The following CDC37L1 variants were observed in gnomAD, a reference collection of about 807,000 sequenced individuals.
CDC37L1 encodes the protein cell division cycle 37 like 1, HSP90 cochaperone.
In CDC37L1, 32 loss-of-function variants were observed where a neutral mutation model predicts 45.9. The observed-to-expected ratio is 0.70, with a 90% CI of 0.53 to 0.94. The LOEUF is 0.94. Ranked by LOEUF, CDC37L1 falls within the 40% of genes least tolerant of loss-of-function variation. The pLI, the probability that CDC37L1 is intolerant of heterozygous loss-of-function variation, is 0.00. For missense variants in CDC37L1, 434 were observed against 405.7 expected (o/e 1.07, Z -0.60); for synonymous variants, 150 against 133.0 (o/e 1.13, Z -0.88).
rs555702477 is a variant in CDC37L1, at chr9:4,691,406, T to C, written c.508+2800T>C. Among the ~76,000 whole-genome samples the C allele has an allele frequency of 9.8e-5, 15 of 152,372 alleles. No individual in the cohort carries two copies. The East Asian group carries it at 2.5e-3, about 25-fold the overall frequency. On this transcript the variant is annotated intron_variant, in intron 3 of 6. Coordinates refer to ENST00000381854, the MANE Select transcript of CDC37L1 (RefSeq NM_017913.4). ...ATTCTCATCATTTAGCTCCCGCTTA[T>C]AGGTGAGAATATGCGGTATTTGGTT...
chr9:4,687,956 T>C (rs192689931), intron 2 of CDC37L1, among the ~76,000 whole-genome samples: 63 of 152,304 alleles, frequency 4.1e-4, no homozygotes, highest in South Asian at 6.2e-4. Flanking sequence ...TTCAGTTGTT[T>C]TTCTGTATGA....
At chr9:4,697,955 A>G in intron 5 of CDC37L1, 76 bp downstream of exon 5, 1 of 1,384,200 alleles carries the variant, frequency 7.2e-7, no homozygotes, top group South Asian at 1.3e-5. Context: ...TCATATCAAT[A>G]GAAGGCATCC....
intron 3 of CDC37L1, 111 bp downstream of exon 3, chr9:4,688,717 T>A (rs1018930672): frequency 2.9e-6 from 2 of 682,362 alleles, no homozygotes; most frequent in East Asian, 6.6e-5. Flanking sequence ...AAACTCCAAT[T>A]TTGTAGCTTC....
At position 4,706,962 on chromosome 9, in the gene CDC37L1, G is replaced by A. The variant is rs1313156788; in HGVS notation, c.*850G>A. On this transcript the variant is annotated 3_prime_UTR_variant, in exon 7 of 7. Coordinates refer to ENST00000381854, the MANE Select transcript of CDC37L1 (RefSeq NM_017913.4). ...TAATAATCTGATTTTTAAATTTGTA[G>A]TTATTTTACTCATGTTGCCTTTTAA... The A allele has an allele frequency of 2.6e-5, 4 of 152,198 alleles. No homozygotes were observed. The highest frequency in any genetic ancestry group is 2.0e-4 in the Admixed American group (3 of 15,290). The allele number at this position is 152,198 out of a possible 1,614,324, so 9.4% of individuals were successfully genotyped here.
intron 6 of CDC37L1, among the ~76,000 whole-genome samples, chr9:4,702,773 C>G (rs566680816): frequency 6.6e-6 from 1 of 150,722 alleles, no homozygotes; most frequent in South Asian, 2.1e-4. Flanking sequence ...CCTGCAGTCC[C>G]AGCTACTCGG....
At chr9:4,702,870 C>T (rs1176724560) in intron 6 of CDC37L1, among the ~76,000 whole-genome samples, 1 of 108,748 alleles carries the variant, frequency 9.2e-6, no homozygotes, top group African/African-American at 3.7e-5. Flanking sequence ...GCCTGGGCGA[C>T]AGAGCAAGAC....
At chr9:4,705,660 T>G (rs540788300) in intron 6 of CDC37L1, among the ~76,000 whole-genome samples, 2 of 152,330 alleles carry the variant, frequency 1.3e-5, no homozygotes, top group East Asian at 3.9e-4. Context: ...AATGCATTGC[T>G]AACTTCAAAC....
intron 3 of CDC37L1, among the ~76,000 whole-genome samples, chr9:4,693,429 G>T (rs1042091578): frequency 1.3e-5 from 2 of 151,924 alleles, no homozygotes; most frequent in African/African-American, 4.8e-5. Context: ...GACAACAGAG[G>T]AATAACCTGT....
At chr9:4,695,236 G>GAGCAGTGGTGAGGTCATAGCTCAC (rs1256657431) in intron 3 of CDC37L1, among the ~76,000 whole-genome samples, 2 of 152,278 alleles carry the variant, frequency 1.3e-5, no homozygotes, top group East Asian at 3.9e-4. Flanking sequence ...CCAGGCTGAA[G>GAGCAGTGGTGAGGTCATAGCTCAC]TGCAGTGGTG....
intron 4 of CDC37L1, 71 bp downstream of exon 4, chr9:4,697,282 T>TG: frequency 1.3e-6 from 1 of 758,696 alleles, no homozygotes; most frequent in Non-Finnish European, 2.3e-6. Context: ...ATTGATGTTT[T>TG]GTTTTGTTTT....
chr9:4,707,114 T>G lies in CDC37L1; in HGVS notation c.*1002T>G, dbSNP rs898904153. 2.0e-5 allele frequency: 3 copies of G among 152,212 alleles called. No individual in the cohort carries two copies. The highest frequency in any genetic ancestry group is 7.2e-5 in the African/African-American group (3 of 41,464). The allele number at this position is 152,212 out of a possible 1,614,324, so 9.4% of individuals were successfully genotyped here. A position where few individuals can be genotyped will look rare whatever the true frequency, so the allele number is the denominator to read the frequency against. On this transcript the variant is annotated 3_prime_UTR_variant, in exon 7 of 7. Coordinates refer to ENST00000381854, the MANE Select transcript of CDC37L1 (RefSeq NM_017913.4). Reference sequence around the variant, plus strand: ...CCTTGAGCTGCCAATTACCTATTTCTGAGAATTTGGTGACTCTTATTGGTA... The same window carrying G: ...CCTTGAGCTGCCAATTACCTATTTCGGAGAATTTGGTGACTCTTATTGGTA...
At chr9:4,688,045 T>G (rs1841266526) in intron 2 of CDC37L1, among the ~76,000 whole-genome samples, 1 of 152,244 alleles carries the variant, frequency 6.6e-6, no homozygotes, top group African/African-American at 2.4e-5. Flanking sequence ...TCGCCTGGGC[T>G]GGAGTGCAGT....
intron 5 of CDC37L1, among the ~76,000 whole-genome samples, chr9:4,698,474 T>G (rs1045489035): frequency 1.3e-5 from 2 of 149,632 alleles, no homozygotes; most frequent in African/African-American, 5.0e-5. Context: ...TGAAGAAAAA[T>G]AGATGTCTAG....
chr9:4,682,805 C>G (rs1047393488), intron 1 of CDC37L1, among the ~76,000 whole-genome samples: 13 of 151,868 alleles, frequency 8.6e-5, no homozygotes, highest in African/African-American at 3.1e-4. Context: ...GTTCTTACAT[C>G]TTTTCTTACA....
intron 3 of CDC37L1, among the ~76,000 whole-genome samples, chr9:4,695,229 G>A (rs1233040291): frequency 1.3e-5 from 2 of 152,150 alleles, no homozygotes; most frequent in African/African-American, 4.8e-5. Flanking sequence ...CTGTCACCCA[G>A]GCTGAAGTGC....
At chr9:4,705,173 T>C (rs1841430968) in intron 6 of CDC37L1, among the ~76,000 whole-genome samples, 1 of 152,194 alleles carries the variant, frequency 6.6e-6, no homozygotes, top group African/African-American at 2.4e-5. Flanking sequence ...CTGTCCTCAC[T>C]GGTGTTTATT....
chr9:4,691,994 C>T (rs992723640), intron 3 of CDC37L1, among the ~76,000 whole-genome samples: 5 of 152,124 alleles, frequency 3.3e-5, no homozygotes. Context: ...TTTCAGAGCA[C>T]ATCATCTTCA....
At chr9:4,691,805 C>A (rs555560320) in intron 3 of CDC37L1, among the ~76,000 whole-genome samples, 1 of 152,150 alleles carries the variant, frequency 6.6e-6, no homozygotes, top group Non-Finnish European at 1.5e-5. Flanking sequence ...CTGACTTTTT[C>A]CTCTACATTT....
chr9:4,681,643 A>C (rs1348935907), intron 1 of CDC37L1, among the ~76,000 whole-genome samples: 1 of 152,236 alleles, frequency 6.6e-6, no homozygotes, highest in Admixed American at 6.5e-5. Flanking sequence ...GTCTCAAAAA[A>C]AAAAATTTTT....
Sources: allele counts gnomAD v4.1 joint callset (sites outside exome capture counted in the v4.1 genomes callset), GRCh38; gene constraint gnomAD v4.1.1; transcripts MANE v1.5; gene names NCBI Gene and HGNC (gene_info 2026-07-23, HGNC 2026-07-21).